The following HSD3B1 variants were observed in gnomAD, a reference collection of about 807,000 sequenced individuals.
HSD3B1 encodes the protein 3 beta-hydroxysteroid dehydrogenase/Delta 5-->4-isomerase type 1.
HSD3B1 carries 11 observed loss-of-function variants against 10.4 expected under a neutral mutation model. The observed-to-expected ratio is 1.05, with a 90% CI of 0.66 to 1.75. The LOEUF is 1.75. HSD3B1 is among the 40% of genes most tolerant of loss of function. HSD3B1 has a pLI of 0.00. For missense variants in HSD3B1, 490 were observed against 454.5 expected, an observed-to-expected ratio of 1.08 and a Z score of -0.71; for synonymous variants, 217 against 185.4, an observed-to-expected ratio of 1.17 and a Z score of -1.39.
chr1:119,514,434 T>C lies in HSD3B1; in HGVS notation c.911T>C (p.Leu304Pro), dbSNP rs753971018. 1.9e-5 allele frequency: 30 copies of C among 1,614,168 alleles called. No homozygotes were observed. The Admixed American group carries it at 4.3e-4, about 23-fold the overall frequency. Residue 304 changes from leucine (L) to proline (P), a missense_variant, in exon 4 of 4, where the codon CTA (leucine) becomes CCA (proline). Leu to Pro is a moderately conservative substitution (Grantham distance 98). Transcript: ENST00000369413. The stretch of plus-strand genomic sequence containing the variant: ...TTCCTGCTGGAAATAGTGAGCTTCC[T>C]ACTCAGGCCAATTTACACCTATCGA... ...IGFLLEIVSF[L>P]LRPIYTYRPP...
At chr1:119,513,782 G>T in intron 3 of HSD3B1, 52 bp from the exon 4 acceptor site, 1 of 1,559,944 alleles carries the variant, frequency 6.4e-7, no homozygotes. Flanking sequence ...GTTCGTGGTT[G>T]GCACCTCTTA....
intron 3 of HSD3B1, 164 bp downstream of exon 3, chr1:119,511,831 T>G (rs1318305922): frequency 1.5e-6 from 1 of 650,802 alleles, no homozygotes; most frequent in Non-Finnish European, 2.7e-6. Context: ...TAACTTTAGT[T>G]TTTTAGATGA....
chr1:119,507,894 A>T (rs913970423), intron 2 of HSD3B1: 13 of 369,942 alleles, frequency 3.5e-5, no homozygotes, highest in Non-Finnish European at 6.1e-5. Flanking sequence ...CTCATCTAGA[A>T]AATCCCACAT....
Position 119,514,472 on chromosome 1 carries a change from C to T in HSD3B1, c.949C>T (p.Arg317Cys), listed in dbSNP as rs587764853. ...PIYTYRPPFN[R>C]HIVTLSNSVF... ...TTACACCTATCGACCGCCCTTCAAC[C>T]GCCACATAGTCACATTGTCAAATAG... Residue 317 changes from arginine to cysteine, a missense_variant, in exon 4 of 4, where the codon CGC becomes TGC. Transcript: ENST00000369413. The T allele has an allele frequency of 5.2e-5, 84 of 1,614,080 alleles. No individual in the cohort carries two copies. The highest frequency in any genetic ancestry group is 1.6e-4 in the African/African-American group (12 of 75,008).
chr1:119,514,199 G>T lies in HSD3B1; in HGVS notation c.676G>T (p.Val226Phe), dbSNP rs1246470058. Reference sequence around the variant, plus strand: ...GTTCTCCACTGTTAACCCAGTCTATGTTGGCAATGTGGCCTGGGCCCACAT... The same window carrying T: ...GTTCTCCACTGTTAACCCAGTCTATTTTGGCAATGTGGCCTGGGCCCACAT... ...GKFSTVNPVY[V>F]GNVAWAHILA... Residue 226 changes from valine to phenylalanine, a missense_variant, in exon 4 of 4, where the codon GTT becomes TTT. Coordinates refer to ENST00000369413, the MANE Select transcript of HSD3B1 (RefSeq NM_000862.3). 6 of 1,613,316 alleles carry T rather than the reference G, an allele frequency of 3.7e-6. No individual in the cohort carries two copies. The highest frequency in any genetic ancestry group is 5.1e-6 in the Non-Finnish European group (6 of 1,179,238).
At position 119,514,006 on chromosome 1, in the gene HSD3B1, T is replaced by G. The variant is rs901504261; in HGVS notation, c.483T>G (p.Leu161=). 1 of 1,614,090 alleles carries G rather than the reference T, an allele frequency of 6.2e-7. No individual in the cohort carries two copies. Among genetic ancestry groups the G allele is most frequent in the Admixed American group, 1.7e-5 (1 of 60,014 alleles). The change falls in exon 4 of 4, where the codon CTT becomes CTG. Residue 161 remains leucine, a synonymous_variant. Coordinates refer to ENST00000369413, the MANE Select transcript of HSD3B1 (RefSeq NM_000862.3). ...WPAPYPHSKK[L]AEKAVLAANG... ...CTCCATACCCACACAGCAAAAAGCT[T>G]GCTGAGAAGGCTGTACTGGCGGCTA...
intron 2 of HSD3B1, 96 bp downstream of exon 2, chr1:119,507,717 T>C: frequency 7.7e-7 from 1 of 1,295,174 alleles, no homozygotes. Flanking sequence ...TTGAAATTTG[T>C]AGCCAAATCT....
At chr1:119,510,714 T>TTCC in intron 2 of HSD3B1, among the ~76,000 whole-genome samples, 1 of 115,956 alleles carries the variant, frequency 8.6e-6, no homozygotes, top group African/African-American at 5.2e-5. Flanking sequence ...CTTGTGTGGT[T>TTCC]TTCTTTTTTT....
rs1196575750 is a variant in HSD3B1, at chr1:119,514,253, A to G, written c.730A>G (p.Lys244Glu). ...GGCCTTGAGGGCCCTGCAGGACCCC[A>G]AGAAGGCCCCAAGCATCCGAGGACA... ...ILALRALQDP[K>E]KAPSIRGQFY... is the part of the protein sequence containing the mutation. Residue 244 changes from lysine (K) to glutamate (E), a missense_variant, in exon 4 of 4, where the codon AAG (lysine) becomes GAG (glutamate). Coordinates refer to ENST00000369413, the MANE Select transcript of HSD3B1 (RefSeq NM_000862.3). 6.2e-7 allele frequency: 1 copy of G among 1,614,132 alleles called. No individual in the cohort carries two copies. The highest frequency in any genetic ancestry group is 1.3e-5 in the African/African-American group (1 of 75,040).
chr1:119,511,985 G>A (rs934316561), intron 3 of HSD3B1: 8 of 302,880 alleles, frequency 2.6e-5, no homozygotes, highest in African/African-American at 1.7e-4. Flanking sequence ...TTCTACTGTG[G>A]TTCCAATCAA....
intron 2 of HSD3B1, chr1:119,507,839 C>T (rs981019838): frequency 3.9e-5 from 19 of 493,496 alleles, no homozygotes; most frequent in African/African-American, 1.6e-4. Context: ...GGCCCTGACC[C>T]AGAACTTGAG....
Position 119,512,037 on chromosome 1 carries a change from A to T in HSD3B1, c.310+370A>T, listed in dbSNP as rs587734480. 7 of 255,766 alleles carry T rather than the reference A, an allele frequency of 2.7e-5. No individual in the cohort carries two copies. The South Asian group carries it at 3.9e-4, about 14-fold the overall frequency. 15.8% of individuals were successfully genotyped at this position (255,766 alleles called of 1,614,324 possible). ...GACTTCAGACTCTTGATACCCAGAC[A>T]CCCCTTGCCTCCCAGGCCAGAAGCA... On this transcript the variant is annotated intron_variant, in intron 3 of 3. Transcript: ENST00000369413.
At position 119,514,643 on chromosome 1, in the gene HSD3B1, T is replaced by TGA. The variant is rs1654057771; in HGVS notation, c.1121_1122dup. Residue 374 remains the stop codon, a frameshift_variant and stop_retained_variant, in exon 4 of 4, where the codon TGA becomes TGAGA. Transcript: ENST00000369413. LOFTEE classifies it high-confidence loss of function. ...GGAGACCCTGAAGTCCAAGACTCAG[T>TGA]GATTTAAGGATGACAGAGATGTGCA... ...HKETLKSKTQ[*] The TGA allele has an allele frequency of 6.2e-7, 1 of 1,613,394 alleles. No individual in the cohort carries two copies. Among genetic ancestry groups the TGA allele is most frequent in the Admixed American group, 1.7e-5 (1 of 59,918 alleles).
intron 3 of HSD3B1, among the ~76,000 whole-genome samples, chr1:119,512,588 A>G (rs1653968079): frequency 6.6e-6 from 1 of 152,126 alleles, no homozygotes; most frequent in Non-Finnish European, 1.5e-5. Flanking sequence ...AAAGAAAAAA[A>G]AAAACAACTT....
intron 3 of HSD3B1, among the ~76,000 whole-genome samples, chr1:119,513,297 C>T (rs948096398): frequency 1.3e-5 from 2 of 152,032 alleles, no homozygotes; most frequent in Non-Finnish European, 2.9e-5. Flanking sequence ...TTTATTAGAG[C>T]CCAGCAAAAT....
At chr1:119,512,011 T>C (rs1653951329) in intron 3 of HSD3B1, 1 of 280,622 alleles carries the variant, frequency 3.6e-6, no homozygotes, top group African/African-American at 2.2e-5. Context: ...AACTAATTTC[T>C]GACTTCAGAC....
chr1:119,509,109 C>G (rs1401308824), intron 2 of HSD3B1, among the ~76,000 whole-genome samples: 1 of 152,324 alleles, frequency 6.6e-6, no homozygotes, highest in East Asian at 1.9e-4. Context: ...TTTGCCAACT[C>G]ATTTGCTCCT....
chr1:119,510,643 C>T lies in HSD3B1; in HGVS notation c.146-860C>T, dbSNP rs188934363. ...TCCCCTATACCAGTCCATTTTATATCCTCAAGCCAAGATTAACTTCCTACA... is the reference window on the plus strand; with the variant it reads ...TCCCCTATACCAGTCCATTTTATATTCTCAAGCCAAGATTAACTTCCTACA... On this transcript the variant is annotated intron_variant, in intron 2 of 3. Coordinates refer to ENST00000369413, the MANE Select transcript of HSD3B1 (RefSeq NM_000862.3). Among the ~76,000 whole-genome samples, 3 of 150,460 alleles carry T rather than the reference C, an allele frequency of 2.0e-5. No individual in the cohort carries two copies. The Admixed American group carries it at 2.0e-4, about 10-fold the overall frequency.
In HSD3B1 at chr1:119,514,213, C is replaced by G. The variant is rs1036263650; in HGVS notation, c.690C>G (p.Ala230=). 2 of 1,614,044 alleles carry G rather than the reference C, an allele frequency of 1.2e-6. No homozygotes were observed. Among genetic ancestry groups the G allele is most frequent in the African/African-American group, 1.3e-5 (1 of 74,924 alleles). The change falls in exon 4 of 4, where the codon GCC becomes GCG. Residue 230 remains alanine, a synonymous_variant. Coordinates refer to ENST00000369413, the MANE Select transcript of HSD3B1 (RefSeq NM_000862.3). ...ACCCAGTCTATGTTGGCAATGTGGC[C>G]TGGGCCCACATTCTGGCCTTGAGGG... The part of the protein sequence containing the change: ...TVNPVYVGNV[A]WAHILALRAL...
Sources: allele counts gnomAD v4.1 joint callset (sites outside exome capture counted in the v4.1 genomes callset), GRCh38; gene constraint gnomAD v4.1.1; transcripts MANE v1.5; gene names NCBI Gene and HGNC (gene_info 2026-07-23, HGNC 2026-07-21).